The following STK3 variants were observed in gnomAD, a reference collection of about 807,000 sequenced individuals.
STK3 encodes serine/threonine-protein kinase 3.
Under a neutral mutation model 58.0 loss-of-function variants are expected in STK3, and 41 were observed. The ratio of observed to expected loss-of-function variants is 0.71; its 90% CI spans 0.55 to 0.92. The LOEUF (loss-of-function observed/expected upper bound fraction) is 0.92. STK3 is among the 40% of genes least tolerant of loss of function. The pLI is 0.00. For missense variants in STK3, 479 were observed against 602.7 expected, an observed-to-expected ratio of 0.79 and a Z score of 2.15; for synonymous variants, 170 against 191.0, an observed-to-expected ratio of 0.89 and a Z score of 0.91.
intron 3 of STK3, among the ~76,000 whole-genome samples, chr8:98,878,747 G>T (rs1026778349): frequency 6.6e-6 from 1 of 151,972 alleles, no homozygotes; most frequent in Non-Finnish European, 1.5e-5. Context: ...GCCTTGCTGA[G>T]AATTAAAAAG....
intron 3 of STK3, among the ~76,000 whole-genome samples, chr8:98,751,070 T>G (rs1829944813): frequency 6.6e-6 from 1 of 152,034 alleles, no homozygotes; most frequent in African/African-American, 2.4e-5. Context: ...TGTTAAAAAC[T>G]CTCAACAAAC....
Position 98,488,790 on chromosome 8 carries a change from A to G in STK3, c.1318-32790T>C, listed in dbSNP as rs117348548. Among the ~76,000 whole-genome samples the G allele has an allele frequency of 1.1e-4, 17 of 152,346 alleles. No individual in the cohort carries two copies. In the East Asian group the frequency reaches 3.3e-3, roughly 29 times the overall value. On this transcript the variant is annotated intron_variant, in intron 10 of 10. Transcript: ENST00000419617. ...CATTGGTAGCTATCCCCTAATATCT[A>G]TTCTACCTTTCTTCCATAGAAATAT...
At chr8:98,934,371 T>C (rs1284446206) in intron 1 of STK3, among the ~76,000 whole-genome samples, 1 of 152,170 alleles carries the variant, frequency 6.6e-6, no homozygotes, top group Non-Finnish European at 1.5e-5. Context: ...CCCAGCCAGG[T>C]TCCTGAAACC....
At position 98,761,822 on chromosome 8, in the gene STK3, T is replaced by A. The variant is rs114913457; in HGVS notation, c.236+5421A>T. On this transcript the variant is annotated intron_variant, in intron 3 of 10. Coordinates refer to ENST00000419617, the MANE Select transcript of STK3 (RefSeq NM_006281.4). Reference sequence around the variant, plus strand: ...CATGGTGATTTTGAAACTTTTGATTTTTTATTTATTTATTTATTTATTTAT... The same window carrying A: ...CATGGTGATTTTGAAACTTTTGATTATTTATTTATTTATTTATTTATTTAT... Among the ~76,000 whole-genome samples, 271 of 152,034 alleles carry A rather than the reference T, an allele frequency of 1.8e-3. 1 individual carries two copies. The highest frequency in any genetic ancestry group is 6.2e-3 in the African/African-American group (256 of 41,508).
intron 1 of STK3, chr8:98,921,638 CTT>C (rs1199882603): frequency 1.3e-5 from 2 of 152,204 alleles, no homozygotes; most frequent in South Asian, 2.1e-4. Context: ...TTGTGGCAAA[CTT>C]TGTTAGCTGG....
chr8:98,777,077 A>T (rs1831738905), intron 1 of STK3, among the ~76,000 whole-genome samples: 1 of 152,008 alleles, frequency 6.6e-6, no homozygotes, highest in East Asian at 1.9e-4. Context: ...TAAAAATTTT[A>T]AAAATAAATA....
downstream of STK3, among the ~76,000 whole-genome samples, chr8:98,367,749 C>T (rs772749909): frequency 9.8e-5 from 15 of 152,310 alleles, no homozygotes; most frequent in African/African-American, 2.6e-4. Flanking sequence ...GACAGCCTTT[C>T]GGGGCAACTC....
chr8:98,462,892 T>C (rs547173016), intron 10 of STK3: 1 of 152,164 alleles, frequency 6.6e-6, no homozygotes, highest in African/African-American at 2.4e-5. Context: ...TATAGAACCC[T>C]GTTATGTCAT....
At chr8:98,581,533 A>T (rs2131736607) in intron 7 of STK3, among the ~76,000 whole-genome samples, 1 of 151,260 alleles carries the variant, frequency 6.6e-6, no homozygotes. Flanking sequence ...TAGGTTCTCC[A>T]TTTAGCCTTT....
At position 98,413,588 on chromosome 8, in the gene STK3, G is replaced by A. The variant is rs140278086; in HGVS notation, n.484-12075C>T. ...ATGACAACTTTGTGTCTAAAATGTTGAGAGTTGTTTCAATTTGTTGGATAC... is the reference window on the plus strand; with the variant it reads ...ATGACAACTTTGTGTCTAAAATGTTAAGAGTTGTTTCAATTTGTTGGATAC... On this transcript the variant is annotated intron_variant and non_coding_transcript_variant, in intron 3 of 3. Transcript: ENST00000517832. 129 of 683,342 alleles carry A rather than the reference G, an allele frequency of 1.9e-4. No homozygotes were observed. The African/African-American group carries it at 2.0e-3, about 11-fold the overall frequency. The allele number at this position is 683,342 out of a possible 1,614,324, so 42.3% of individuals were successfully genotyped here.
chr8:98,791,982 G>T (rs1350537499), intron 1 of STK3, among the ~76,000 whole-genome samples: 1 of 152,176 alleles, frequency 6.6e-6, no homozygotes, highest in Non-Finnish European at 1.5e-5. Context: ...AAACTAAAGA[G>T]CTTTTGCACG....
chr8:98,795,812 A>AATACG (rs200872656), intron 1 of STK3, among the ~76,000 whole-genome samples: 6,825 of 129,852 alleles, frequency 0.053, 206 homozygotes, highest in Middle Eastern at 0.099. Flanking sequence ...AATACAATAC[A>AATACG]ATACAATACA....
intron 7 of STK3, among the ~76,000 whole-genome samples, chr8:98,590,683 C>T (rs1487013313): frequency 6.6e-6 from 1 of 152,168 alleles, no homozygotes; most frequent in African/African-American, 2.4e-5. Flanking sequence ...AACCCAAATT[C>T]TTTTAAGTAT....
At chr8:98,883,037 T>C (rs550301928), downstream of STK3, 1 of 152,384 alleles carries the variant, frequency 6.6e-6, no homozygotes, top group South Asian at 2.1e-4. Flanking sequence ...GGTCTTTCTT[T>C]GTAAAGTGAG....
chr8:98,633,829 T>C (rs1258175718), intron 6 of STK3: 1 of 453,028 alleles, frequency 2.2e-6, no homozygotes. Flanking sequence ...AACTTCAAAT[T>C]TGAAGATCCC....
chr8:98,555,969 T>C (rs527519828), intron 8 of STK3, among the ~76,000 whole-genome samples: 2 of 152,172 alleles, frequency 1.3e-5, no homozygotes, highest in African/African-American at 2.4e-5. Flanking sequence ...CTTTCCAAAG[T>C]AGAAATGAAA....
At chr8:98,651,879 G>C (rs1238261706) in intron 6 of STK3, among the ~76,000 whole-genome samples, 1 of 152,166 alleles carries the variant, frequency 6.6e-6, no homozygotes. Flanking sequence ...AAGTGACAGG[G>C]AGAATGGAAC....
At chr8:98,505,840 C>T in intron 10 of STK3, among the ~76,000 whole-genome samples, 1 of 152,196 alleles carries the variant, frequency 6.6e-6, no homozygotes, top group East Asian at 1.9e-4. Context: ...CCCAGTTAGG[C>T]TACACAGGGG....
chr8:98,412,696 A>G (rs1169637505), intron 3 of STK3, among the ~76,000 whole-genome samples: 3 of 152,208 alleles, frequency 2.0e-5, no homozygotes, highest in Non-Finnish European at 1.5e-5. Flanking sequence ...TGCAATCTCA[A>G]GAGAGAGGGT....
Sources: allele counts gnomAD v4.1 joint callset (sites outside exome capture counted in the v4.1 genomes callset), GRCh38; gene constraint gnomAD v4.1.1; transcripts MANE v1.5; gene names NCBI Gene and HGNC (gene_info 2026-07-23, HGNC 2026-07-21).